The following DET1 variants were observed in gnomAD, a reference collection of about 807,000 sequenced individuals.
The protein encoded by DET1 is DET1 homolog.
DET1 carries 22 observed loss-of-function variants against 43.7 expected under a neutral mutation model. The ratio of observed to expected loss-of-function variants is 0.50; its 90% CI spans 0.36 to 0.72. The LOEUF (loss-of-function observed/expected upper bound fraction) is 0.72. Among genes scored for constraint, DET1 ranks in the 30% least tolerant of loss-of-function variants. The pLI, the probability that DET1 is intolerant of heterozygous loss-of-function variation, is 0.00. For synonymous variants in DET1, 315 were observed against 266.2 expected, an observed-to-expected ratio of 1.18 and a Z score of -1.79; for missense variants, 713 against 713.3, an observed-to-expected ratio of 1.00 and a Z score of 0.00.
intron 2 of DET1, among the ~76,000 whole-genome samples, chr15:88,528,112 CT>C (rs2095182148): frequency 6.6e-6 from 1 of 152,230 alleles, no homozygotes. Context: ...TCATTTCAAA[CT>C]GTGCAAATTC....
At chr15:88,540,261 G>A (rs1243789181) in intron 1 of DET1, among the ~76,000 whole-genome samples, 1 of 152,060 alleles carries the variant, frequency 6.6e-6, no homozygotes, top group Admixed American at 6.5e-5. Flanking sequence ...AACTGACCCA[G>A]GAGACCTCAG....
chr15:88,536,263 C>G (rs531021929), intron 1 of DET1: 8 of 750,918 alleles, frequency 1.1e-5, no homozygotes, highest in Non-Finnish European at 2.0e-5. Context: ...TACTGATACA[C>G]CCTATATTAT....
chr15:88,528,270 C>A (rs1268040905), intron 2 of DET1, among the ~76,000 whole-genome samples: 3 of 152,204 alleles, frequency 2.0e-5, no homozygotes, highest in African/African-American at 7.2e-5. Flanking sequence ...AAATTATTTT[C>A]TCTTGTAAGT....
rs202049856 is a variant in DET1 at position 88,512,970 on chromosome 15, A to T, written c.1634T>A (p.Met545Lys). Residue 545 changes from methionine to lysine, a missense_variant, in exon 5 of 5, where the codon ATG (methionine) becomes AAG (lysine). Physicochemically the swap from Met to Lys is moderately conservative, Grantham distance 95. Transcript: ENST00000268148. ...TNAEYVVNFH[M>K]RHCCT ...AGGCACCTACGTGCAGCAGTGTCGC[A>T]TATGGAAGTTGACAACATACTCAGC... 1.9e-5 allele frequency: 30 copies of T among 1,614,070 alleles called. No homozygotes were observed. The Admixed American group carries it at 3.7e-4, about 20-fold the overall frequency.
rs543991781 is a variant in DET1, at chr15:88,537,419, T to C, written c.-10-5704A>G. Among the ~76,000 whole-genome samples, 9 of 152,286 alleles carry C rather than the reference T, an allele frequency of 5.9e-5. No individual in the cohort carries two copies. In the East Asian group the frequency reaches 1.7e-3, roughly 29 times the overall value. On this transcript the variant is annotated intron_variant, in intron 1 of 4. Coordinates refer to ENST00000268148, the MANE Select transcript of DET1 (RefSeq NM_001144074.3). ...AGGCTGGAGTACAGTGGTACCACCA[T>C]GGACCTCCCTGGCTCAAGTGATCTT...
chr15:88,534,644 C>T (rs2056901281), intron 1 of DET1, among the ~76,000 whole-genome samples: 1 of 151,420 alleles, frequency 6.6e-6, no homozygotes, highest in Admixed American at 6.6e-5. Context: ...ATACTAAAGG[C>T]TTTGAGAACT....
intron 1 of DET1, among the ~76,000 whole-genome samples, chr15:88,538,892 T>C (rs2057021151): frequency 6.6e-6 from 1 of 152,176 alleles, no homozygotes; most frequent in African/African-American, 2.4e-5. Flanking sequence ...CTGGTTCTGG[T>C]AAGAGGGAAG....
At chr15:88,514,678 CA>C (rs1405048656) in intron 4 of DET1, among the ~76,000 whole-genome samples, 1 of 152,000 alleles carries the variant, frequency 6.6e-6, no homozygotes, top group Non-Finnish European at 1.5e-5. Flanking sequence ...AAACAGACTA[CA>C]AAAAATGATG....
chr15:88,546,128 C>G (rs1057414247), intron 1 of DET1: 1 of 152,356 alleles, frequency 6.6e-6, no homozygotes, highest in Non-Finnish European at 1.5e-5. Flanking sequence ...TCCTCAGGGC[C>G]GAGAGAATTT....
intron 3 of DET1, among the ~76,000 whole-genome samples, chr15:88,523,440 G>A (rs981427391): frequency 6.6e-5 from 10 of 151,706 alleles, no homozygotes; most frequent in Admixed American, 3.9e-4. Context: ...CCCTTTCCAC[G>A]GTCTCCCTCT....
Position 88,531,077 on chromosome 15 carries a change from T to C in DET1, c.629A>G (p.Lys210Arg), listed in dbSNP as rs1355144687. The change falls in exon 2 of 5, where the codon AAG becomes AGG. Residue 210 changes from lysine to arginine, a missense_variant. Coordinates refer to ENST00000268148, the MANE Select transcript of DET1 (RefSeq NM_001144074.3). The surrounding 1 kb of genome is among the most constrained non-coding windows in gnomAD (Gnocchi z 6.2). ...GTGTGACAAGACCACCTTGTCACAC[T>C]TGAACGTGCGTGTATCACATAAGCG... ...TGRLCDTRTF[K>R]CDKVVLSHNQ... 2 of 1,614,008 alleles carry C rather than the reference T, an allele frequency of 1.2e-6. No homozygotes were observed. Among genetic ancestry groups the C allele is most frequent in the Non-Finnish European group, 1.7e-6 (2 of 1,179,884 alleles).
chr15:88,513,116 C>T lies in DET1; in HGVS notation c.1488G>A (p.Leu496=), dbSNP rs1210274739. 6.2e-7 allele frequency: 1 copy of T among 1,613,196 alleles called. No homozygotes were observed. The highest frequency in any genetic ancestry group is 1.3e-5 in the African/African-American group (1 of 75,060). Residue 496 remains leucine (L), a synonymous_variant, in exon 5 of 5, where the codon CTG becomes CTA. Transcript: ENST00000268148. ...ACCCCGCCTGGATCTCAAACTTGAGCAGGCCCGAGTCCCGGGCATAGAACC... is the reference window on the plus strand; with the variant it reads ...ACCCCGCCTGGATCTCAAACTTGAGTAGGCCCGAGTCCCGGGCATAGAACC... The part of the protein sequence containing the change: ...PIRFYARDSG[L]LKFEIQAGLL...
intron 3 of DET1, among the ~76,000 whole-genome samples, chr15:88,526,972 A>G (rs181734099): frequency 6.6e-6 from 1 of 152,246 alleles, no homozygotes; most frequent in Non-Finnish European, 1.5e-5. Flanking sequence ...CCCTTTCCCA[A>G]GTTATCTGGT....
At chr15:88,510,754 G>T (rs1598310245), downstream of DET1, among the ~76,000 whole-genome samples, 2 of 146,164 alleles carry the variant, frequency 1.4e-5, no homozygotes, top group Non-Finnish European at 3.0e-5. Context: ...GGTTGTTGTT[G>T]TTTTGTTTTT....
chr15:88,541,518 C>T (rs1035664176), intron 1 of DET1, among the ~76,000 whole-genome samples: 31 of 152,300 alleles, frequency 2.0e-4, no homozygotes, highest in Admixed American at 1.6e-3. Flanking sequence ...CCCACCCCTA[C>T]ATCTTGGTTT....
intron 4 of DET1, among the ~76,000 whole-genome samples, chr15:88,513,957 G>C (rs1030475332): frequency 6.7e-6 from 1 of 149,782 alleles, no homozygotes; most frequent in Non-Finnish European, 1.5e-5. Context: ...CCGCTACCAC[G>C]CCCGGCTAAT....
chr15:88,510,505 A>G (rs139161411), downstream of DET1, among the ~76,000 whole-genome samples: 102 of 152,308 alleles, frequency 6.7e-4, 1 homozygote, highest in African/African-American at 2.3e-3. Context: ...ATGTAACACA[A>G]CTTCTCCTGG....
At position 88,538,719 on chromosome 15, in the gene DET1, G is replaced by A. The variant is rs79385932; in HGVS notation, c.-10-7004C>T. On this transcript the variant is annotated intron_variant, in intron 1 of 4. Transcript: ENST00000268148. The stretch of plus-strand genomic sequence containing the variant: ...TCCGGGCTCCCCCGGAAGGACGGCC[G>A]GCTCAGAGGGGGTTACCACCTGAGG... Among the ~76,000 whole-genome samples, 745 of 152,284 alleles carry A rather than the reference G, an allele frequency of 4.9e-3. 8 individuals are homozygous for A. The highest frequency in any genetic ancestry group is 0.017 in the African/African-American group (706 of 41,548).
At chr15:88,522,986 A>G (rs1467031053) in intron 3 of DET1, among the ~76,000 whole-genome samples, 1 of 151,084 alleles carries the variant, frequency 6.6e-6, no homozygotes, top group African/African-American at 2.4e-5. Context: ...GGCTCAAGCA[A>G]TCTTCCTGCC....
Sources: allele counts gnomAD v4.1 joint callset (sites outside exome capture counted in the v4.1 genomes callset), GRCh38; gene constraint gnomAD v4.1.1; non-coding constraint Gnocchi (gnomAD v3.1); transcripts MANE v1.5; gene names NCBI Gene and HGNC (gene_info 2026-07-23, HGNC 2026-07-21).